Variants in ARHGAP40 observed in about 807,000 individuals in gnomAD.
The protein encoded by ARHGAP40 is Rho GTPase activating protein 40.
A neutral mutation model predicts 73.5 loss-of-function variants in ARHGAP40; 43 were observed. That is an observed-to-expected ratio of 0.58 (90% CI 0.46 to 0.75). The LOEUF (loss-of-function observed/expected upper bound fraction) is 0.75, where lower values mean the gene tolerates loss of function less well. Among genes scored for constraint, ARHGAP40 ranks in the 30% least tolerant of loss-of-function variants. The pLI is 0.00. For missense variants in ARHGAP40, 734 were observed against 861.8 expected (o/e 0.85, Z 1.86); for synonymous variants, 300 against 352.8 (o/e 0.85, Z 1.68).
intron 3 of ARHGAP40, among the ~76,000 whole-genome samples, chr20:38,628,032 C>T (rs1473832233): frequency 6.6e-6 from 1 of 152,158 alleles, no homozygotes; most frequent in African/African-American, 2.4e-5. Flanking sequence ...CGGGGCCACC[C>T]GATAGGCCGT....
At chr20:38,612,300 A>G (rs985178888) in intron 1 of ARHGAP40, among the ~76,000 whole-genome samples, 1 of 152,228 alleles carries the variant, frequency 6.6e-6, no homozygotes, top group African/African-American at 2.4e-5. Flanking sequence ...AGATTTGTGT[A>G]CCCAAGTTGT....
Position 38,646,147 on chromosome 20 carries a change from T to C in ARHGAP40, c.1670T>C (p.Met557Thr). 7.7e-7 allele frequency: 1 copy of C among 1,304,032 alleles called. No individual in the cohort carries two copies. The highest frequency in any genetic ancestry group is 1.0e-6 in the Non-Finnish European group (1 of 988,748). The allele number at this position is 1,304,032 out of a possible 1,614,324, so 80.8% of individuals were successfully genotyped here. ...GGCCTCAAGACTTGGCTGCGGAGGA[T>C]GCACGCAGACAGGGACAAGGCGGGG... Residue 557 changes from methionine to threonine, a missense_variant, in exon 12 of 15, where the codon ATG becomes ACG. Physicochemically the swap from Met to Thr is moderately conservative, Grantham distance 81. Coordinates refer to ENST00000373345, the Ensembl canonical transcript of ARHGAP40. This position sits in a 1 kb window ranked among gnomAD's most constrained non-coding sequence, Gnocchi z 4.5.
At chr20:38,640,145 TTCTTCC>T (rs1202829718) in intron 9 of ARHGAP40, among the ~76,000 whole-genome samples, 4 of 54,822 alleles carry the variant, frequency 7.3e-5, no homozygotes, top group African/African-American at 1.6e-4. Context: ...TTCTTCTTTC[TTCTTCC>T]TCTTCTTTCT....
At chr20:38,621,302 A>G (rs1400818463) in intron 1 of ARHGAP40, among the ~76,000 whole-genome samples, 1 of 152,222 alleles carries the variant, frequency 6.6e-6, no homozygotes, top group Non-Finnish European at 1.5e-5. Flanking sequence ...TACTTCTAGG[A>G]TTCTCTTCTA....
intron 8 of ARHGAP40, 127 bp from the exon 9 acceptor site, chr20:38,639,100 C>A: frequency 9.8e-7 from 1 of 1,020,450 alleles, no homozygotes; most frequent in Admixed American, 2.8e-5. Context: ...CTTACTTCAA[C>A]CCCACGAGGG....
At chr20:38,625,286 T>G (rs1381673021) in intron 2 of ARHGAP40, among the ~76,000 whole-genome samples, 2 of 151,980 alleles carry the variant, frequency 1.3e-5, no homozygotes. Flanking sequence ...GGGAGTGGAG[T>G]CAGAGTGGGT....
rs1275548807 is a variant in ARHGAP40, at chr20:38,648,463, C to T, written c.1881-180C>T. On this transcript the variant is annotated intron_variant, in intron 13 of 14. Coordinates refer to ENST00000373345, the Ensembl canonical transcript of ARHGAP40. The stretch of plus-strand genomic sequence containing the variant: ...GCTACCTCTCCCCAGCCCCTGGGTG[C>T]TGGACTCTGTCACTGGCTCCAGCTC... 2.0e-5 allele frequency among the ~76,000 whole-genome samples: 3 copies of T among 152,230 alleles called. No individual in the cohort carries two copies. The South Asian group carries it at 6.2e-4, about 32-fold the overall frequency.
At chr20:38,604,245 C>T (rs948318128) in intron 1 of ARHGAP40, among the ~76,000 whole-genome samples, 2 of 152,162 alleles carry the variant, frequency 1.3e-5, no homozygotes, top group African/African-American at 2.4e-5. Flanking sequence ...ATTGAATTCA[C>T]TATAAGAGCT....
chr20:38,629,554 C>T (rs2145605735), exon 5 of ARHGAP40: 1 of 1,305,440 alleles, frequency 7.7e-7, no homozygotes, highest in Non-Finnish European at 1.0e-6. Flanking sequence ...AAGCCTTCAA[C>T]ATGGACTCTG....
At chr20:38,645,909 C>A in intron 11 of ARHGAP40, 138 bp from the exon 12 acceptor site, 3 of 803,982 alleles carry the variant, frequency 3.7e-6, no homozygotes, top group Non-Finnish European at 5.0e-6. Context: ...TGCTTCCGTC[C>A]CGTGTCCAAC....
intron 5 of ARHGAP40, among the ~76,000 whole-genome samples, chr20:38,629,995 A>G (rs1268484260): frequency 1.3e-5 from 2 of 151,780 alleles, no homozygotes; most frequent in Non-Finnish European, 2.9e-5. Context: ...AGAGAGACCC[A>G]ATATTTTAGT....
intron 1 of ARHGAP40, among the ~76,000 whole-genome samples, chr20:38,611,369 G>GGATTTTATTTTTGGTTTAT (rs2088803835): frequency 6.6e-6 from 1 of 150,492 alleles, no homozygotes; most frequent in African/African-American, 2.4e-5. Flanking sequence ...GGGGGGCTTA[G>GGATTTTATTTTTGGTTTAT]GATTTTATTT....
chr20:38,644,044 C>CCAA, intron 11 of ARHGAP40, 134 bp downstream of exon 11: 1 of 730,952 alleles, frequency 1.4e-6, no homozygotes, highest in Non-Finnish European at 1.9e-6. Context: ...TCTGCACAGG[C>CCAA]CTGTGTTTTC....
At chr20:38,644,491 C>T (rs1240164494) in intron 11 of ARHGAP40, among the ~76,000 whole-genome samples, 3 of 152,110 alleles carry the variant, frequency 2.0e-5, no homozygotes, top group Non-Finnish European at 4.4e-5. Context: ...TCTCACCTAG[C>T]GATGCGTAGC....
intron 1 of ARHGAP40, 102 bp from the exon 2 acceptor site, chr20:38,623,257 C>A (rs1490469331): frequency 1.1e-6 from 1 of 951,290 alleles, no homozygotes; most frequent in Non-Finnish European, 1.4e-6. Context: ...TGCTTAGCCC[C>A]CAGGGGCCCA....
In ARHGAP40 at chr20:38,621,724, T is replaced by A. The variant is rs1267101309; in HGVS notation, c.138-1635T>A. On this transcript the variant is annotated intron_variant, in intron 1 of 14. Transcript: ENST00000373345. ...CATTGCTGGGAATTTTTACAATAAC[T>A]GCATATTGATTTTATAAGGGAAAAT... Among the ~76,000 whole-genome samples, 5 of 152,244 alleles carry A rather than the reference T, an allele frequency of 3.3e-5. 1 individual carries two copies. Among genetic ancestry groups the A allele is most frequent in the Admixed American group, 2.6e-4 (4 of 15,290 alleles).
At chr20:38,609,882 G>A (rs949411761) in intron 1 of ARHGAP40, among the ~76,000 whole-genome samples, 2 of 152,248 alleles carry the variant, frequency 1.3e-5, no homozygotes, top group Non-Finnish European at 2.9e-5. Context: ...CCAGGGCCAG[G>A]AGACCTGAAG....
At chr20:38,643,992 T>C in intron 11 of ARHGAP40, 82 bp downstream of exon 11, 1 of 1,186,272 alleles carries the variant, frequency 8.4e-7, no homozygotes, top group Non-Finnish European at 1.1e-6. Context: ...GGCATTGTCC[T>C]TTCAGTTCCC....
intron 13 of ARHGAP40, among the ~76,000 whole-genome samples, chr20:38,648,016 C>T (rs2089065008): frequency 6.6e-6 from 1 of 152,124 alleles, no homozygotes; most frequent in African/African-American, 2.4e-5. Flanking sequence ...TCCTAGGGTA[C>T]AGGAAACAGC....
Sources: gnomAD v4.1 joint callset for allele counts (sites outside exome capture counted in the v4.1 genomes callset) on GRCh38, gnomAD v4.1.1 for gene constraint, Gnocchi (gnomAD v3.1) non-coding constraint, MANE v1.5 for transcripts, NCBI Gene and HGNC (gene_info 2026-07-23, HGNC 2026-07-21) for gene names.